PTCH2: variants seen among roughly 807,000 people sequenced by gnomAD.
PTCH2 encodes the protein protein patched homolog 2.
In PTCH2, 96 loss-of-function variants were observed where a neutral mutation model predicts 117.9. That is an observed-to-expected ratio of 0.81 (90% CI 0.69 to 0.96). PTCH2 has a LOEUF of 0.96. Ranked by LOEUF, PTCH2 falls within the 50% of genes least tolerant of loss-of-function variation. The pLI is 0.00. For missense variants in PTCH2, 1,379 were observed against 1,562.5 expected (o/e 0.88, Z 1.98); for synonymous variants, 615 against 660.9 (o/e 0.93, Z 1.06).
chr1:44,827,513 G>A lies in PTCH2; in HGVS notation c.2260C>T (p.Arg754Cys), dbSNP rs779024571. The A allele has an allele frequency of 1.2e-5, 20 of 1,614,048 alleles. No homozygotes were observed. The South Asian group carries it at 2.0e-4, about 16-fold the overall frequency. Residue 754 changes from arginine (R) to cysteine (C), a missense_variant, in exon 15 of 22, where the codon CGC (arginine) becomes TGC (cysteine). Arg to Cys is a radical substitution (Grantham distance 180). Transcript: ENST00000372192. ...CGCTGGTGCAGATCAAAGAGGGCGC[G>A]TTGGGAGTGGGCGTAGTCAAAGCCA... ...QGGFDYAHSQ[R>C]ALFDLHQRFS... is the part of the protein sequence containing the mutation.
intron 2 of PTCH2, among the ~76,000 whole-genome samples, chr1:44,834,176 A>G (rs7527787): frequency 0.18 from 26,446 of 148,602 alleles, 2,428 homozygotes; most frequent in East Asian, 0.28. Context: ...CTGGAGTGCA[A>G]TGGTGCAATC....
chr1:44,822,458 G>C lies in PTCH2; in HGVS notation c.3569C>G (p.Ser1190Cys). 6.2e-7 allele frequency: 1 copy of C among 1,613,994 alleles called. No individual in the cohort carries two copies. The change falls in exon 22 of 22, where the codon TCT becomes TGT. Residue 1190 changes from serine to cysteine, a missense_variant. Coordinates refer to ENST00000372192, the MANE Select transcript of PTCH2 (RefSeq NM_003738.5). ...EPPWSPAATS[S>C]GNLSSRGPGP... ...TGGTCCCCTGGAACTGAGGTTGCCA[G>C]AGCTAGTGGCAGCAGGGGACCAAGG... is the stretch of plus-strand genomic sequence containing the variant.
In PTCH2 at chr1:44,833,689, C is replaced by T. The variant is rs187159182; in HGVS notation, c.266-1348G>A. Among the ~76,000 whole-genome samples, 41 of 152,176 alleles carry T rather than the reference C, an allele frequency of 2.7e-4. No homozygotes were observed. In the East Asian group the frequency reaches 5.0e-3, roughly 19 times the overall value. On this transcript the variant is annotated intron_variant, in intron 2 of 21. Coordinates refer to ENST00000372192, the MANE Select transcript of PTCH2 (RefSeq NM_003738.5). ...GTGGCTCACTGCAACGTCTGTCTCC[C>T]AGGTTCAAGCGATTCTCGTGCCTCA...
chr1:44,826,980 C>T lies in PTCH2; in HGVS notation c.2617G>A (p.Ala873Thr). ...GGGGGGTAGAAGTTGGCCTGTGAGG[C>T]TGCCAGACCCAGGGGGTCACTGCTC... ...WVSSDPLGLA[A>T]SQANFYPPPP... Residue 873 changes from alanine (A) to threonine (T), a missense_variant, in exon 17 of 22, where the codon GCC (alanine) becomes ACC (threonine). Coordinates refer to ENST00000372192, the MANE Select transcript of PTCH2 (RefSeq NM_003738.5). This position sits in a 1 kb window ranked among gnomAD's most constrained non-coding sequence, Gnocchi z 5.1. 1.2e-6 allele frequency: 2 copies of T among 1,614,080 alleles called. No individual in the cohort carries two copies. Among genetic ancestry groups the T allele is most frequent in the Non-Finnish European group, 1.7e-6 (2 of 1,180,032 alleles).
In PTCH2 at chr1:44,827,498, G is replaced by A; in HGVS notation, c.2275C>T (p.Leu759=). Residue 759 remains leucine, a synonymous_variant, in exon 15 of 22, where the codon CTG becomes TTG. Transcript: ENST00000372192. ...YAHSQRALFD[L]HQRFSSLKAV... is the part of the protein sequence containing the mutation. ...TTGAGGGAACTGAAGCGCTGGTGCA[G>A]ATCAAAGAGGGCGCGTTGGGAGTGG... is the stretch of plus-strand genomic sequence containing the variant. The A allele has an allele frequency of 6.2e-7, 1 of 1,614,042 alleles. No homozygotes were observed. Among genetic ancestry groups the A allele is most frequent in the African/African-American group, 1.3e-5 (1 of 75,062 alleles).
chr1:44,839,558 AG>A (rs1653851116), intron 2 of PTCH2, among the ~76,000 whole-genome samples: 2 of 151,980 alleles, frequency 1.3e-5, no homozygotes, highest in South Asian at 4.1e-4. Context: ...AGTATAGGAG[AG>A]AGGATGAGGA....
rs559365014 is a variant in PTCH2 at position 44,831,248 on chromosome 1, G to C, written c.618-205C>G. ...ACAGTGAGCTGTAGAAGAGTACAAG[G>C]GGCTGAGACGAATATCAGGGCAGGG... On this transcript the variant is annotated intron_variant, in intron 5 of 21. Transcript: ENST00000372192. This position sits in a 1 kb window ranked among gnomAD's most constrained non-coding sequence, Gnocchi z 4.3. Among the ~76,000 whole-genome samples the C allele has an allele frequency of 1.3e-5, 2 of 152,186 alleles. No individual in the cohort carries two copies. Among genetic ancestry groups the C allele is most frequent in the Non-Finnish European group, 2.9e-5 (2 of 68,048 alleles).
In PTCH2 at chr1:44,822,320, C is replaced by T; in HGVS notation, c.*95G>A. On this transcript the variant is annotated 3_prime_UTR_variant, in exon 22 of 22. Coordinates refer to ENST00000372192, the MANE Select transcript of PTCH2 (RefSeq NM_003738.5). Reference sequence around the variant, plus strand: ...GAGAGGGGATGCAGCAGCAGCAGGGCCCTCCAGGGGTCCATCCTGCGTCTA... The same window carrying T: ...GAGAGGGGATGCAGCAGCAGCAGGGTCCTCCAGGGGTCCATCCTGCGTCTA... The T allele has an allele frequency of 6.2e-7, 1 of 1,600,788 alleles. No individual in the cohort carries two copies. Among genetic ancestry groups the T allele is most frequent in the East Asian group, 2.2e-5 (1 of 44,850 alleles).
intron 11 of PTCH2, 48 bp from the exon 12 acceptor site, chr1:44,828,679 C>T (rs11573580): frequency 2.3e-5 from 37 of 1,592,448 alleles, no homozygotes; most frequent in Non-Finnish European, 2.7e-5. Flanking sequence ...AGGGAGGGGC[C>T]GTGTCAAAGT....
At position 44,832,373 on chromosome 1, in the gene PTCH2, A is replaced by G. The variant is rs373738093; in HGVS notation, c.266-32T>C. On this transcript the variant is annotated intron_variant, in intron 2 of 21. Transcript: ENST00000372192. ...GAGCAAACAGAGAAAGCTGGGGGGG[A>G]AAGGGCCTAGGCGGGTCAGAACTTG... 485 of 1,612,088 alleles carry G rather than the reference A, an allele frequency of 3.0e-4. 1 individual carries two copies. In the African/African-American group the frequency reaches 5.5e-3, roughly 18 times the overall value.
intron 2 of PTCH2, among the ~76,000 whole-genome samples, chr1:44,835,883 CG>C (rs1478738620): frequency 6.6e-6 from 1 of 152,110 alleles, no homozygotes; most frequent in Non-Finnish European, 1.5e-5. Context: ...GAGGAGCCAG[CG>C]GCAATGCTGG....
Position 44,829,291 on chromosome 1 carries a change from T to C in PTCH2, c.1237A>G (p.Met413Val), listed in dbSNP as rs766591633. 6 of 1,613,510 alleles carry C rather than the reference T, an allele frequency of 3.7e-6. No individual in the cohort carries two copies. Among genetic ancestry groups the C allele is most frequent in the Non-Finnish European group, 5.1e-6 (6 of 1,179,926 alleles). ...LLMLAYACVT[M>V]LRWDCAQSQG... ...GACTGGGCGCAGTCCCACCGCAGCA[T>C]GGTCACACAGGCATAGGCCAGCTGT... The change falls in exon 10 of 22, where the codon ATG becomes GTG. Residue 413 changes from methionine to valine, a missense_variant. Met to Val is a conservative substitution (Grantham distance 21). Coordinates refer to ENST00000372192, the MANE Select transcript of PTCH2 (RefSeq NM_003738.5).
chr1:44,827,994 A>T lies in PTCH2; in HGVS notation c.1907T>A (p.Phe636Tyr). 1 of 1,614,194 alleles carries T rather than the reference A, an allele frequency of 6.2e-7. No homozygotes were observed. The change falls in exon 14 of 22, where the codon TTC becomes TAC. Residue 636 changes from phenylalanine to tyrosine, a missense_variant. Transcript: ENST00000372192. ...PPSDPLGSELFSPGGSTRDLL... is the reference protein window; with the variant it reads ...PPSDPLGSELYSPGGSTRDLL... ...GTCCCGTGTGGACCCTCCAGGGCTGAAGAGCTCAGAGCCCAGTGGGTCAGA... is the reference window on the plus strand; with the variant it reads ...GTCCCGTGTGGACCCTCCAGGGCTGTAGAGCTCAGAGCCCAGTGGGTCAGA...
At chr1:44,834,524 A>G (rs760843935) in intron 2 of PTCH2, among the ~76,000 whole-genome samples, 3 of 152,184 alleles carry the variant, frequency 2.0e-5, no homozygotes, top group Non-Finnish European at 2.9e-5. Flanking sequence ...ATGGAAGGGA[A>G]GAAGAGGACA....
rs757224543 is a variant in PTCH2, at chr1:44,828,426, A to G, written c.1591-12T>C. 31 of 1,613,988 alleles carry G rather than the reference A, an allele frequency of 1.9e-5. No individual in the cohort carries two copies. The highest frequency in any genetic ancestry group is 5.0e-5 in the Admixed American group (3 of 60,004). On this transcript the variant is annotated splice_polypyrimidine_tract_variant and intron_variant, in intron 12 of 21. Transcript: ENST00000372192. ...ACCACTATGGCCGCCTGGGGGACGG[A>G]CAGGAGGGGAATGAAGGCTGGATGA...
intron 2 of PTCH2, among the ~76,000 whole-genome samples, chr1:44,837,655 C>G (rs375870204): frequency 1.3e-5 from 2 of 152,270 alleles, no homozygotes; most frequent in South Asian, 2.1e-4. Flanking sequence ...CCACCTTGGC[C>G]TCCCAAAATG....
Position 44,828,505 on chromosome 1 carries a change from C to T in PTCH2, c.1590+1G>A. 6.2e-7 allele frequency: 1 copy of T among 1,614,138 alleles called. No homozygotes were observed. The highest frequency in any genetic ancestry group is 8.5e-7 in the Non-Finnish European group (1 of 1,180,042). On this transcript the variant is annotated splice_donor_variant, in intron 12 of 21. Transcript: ENST00000372192. LOFTEE classifies it high-confidence loss of function. Reference sequence around the variant, plus strand: ...GAGCTGCCCCGTGTGAGAGGCCTCACCTGTAGGGAGAAGGCTCGCAGCGCA... The same window carrying T: ...GAGCTGCCCCGTGTGAGAGGCCTCATCTGTAGGGAGAAGGCTCGCAGCGCA...
rs1246286476 is a variant in PTCH2, at chr1:44,827,228, G to A, written c.2453C>T (p.Ala818Val). Residue 818 changes from alanine to valine, a missense_variant, in exon 16 of 22, where the codon GCC (alanine) becomes GTC (valine). Coordinates refer to ENST00000372192, the MANE Select transcript of PTCH2 (RefSeq NM_003738.5). ...HSYRNGSEDG[A>V]LAYKLLIQTG... ...CTGGATGAGCAGCTTGTAGGCCAGG[G>A]CCCCATCCTCAGAGCCATTGCGGTA... 2.5e-6 allele frequency: 4 copies of A among 1,614,100 alleles called. No individual in the cohort carries two copies. Among genetic ancestry groups the A allele is most frequent in the Non-Finnish European group, 3.4e-6 (4 of 1,180,024 alleles).
chr1:44,827,744 C>T (rs1379995143), intron 14 of PTCH2, 30 bp from the exon 15 acceptor site: 1 of 1,610,944 alleles, frequency 6.2e-7, no homozygotes, highest in Admixed American at 1.7e-5. Context: ...AGCTGGAGAC[C>T]CCAGGGCTGC....
Sources: gnomAD v4.1 joint callset for allele counts (sites outside exome capture counted in the v4.1 genomes callset) on GRCh38, gnomAD v4.1.1 for gene constraint, Gnocchi (gnomAD v3.1) non-coding constraint, MANE v1.5 for transcripts, NCBI Gene and HGNC (gene_info 2026-07-23, HGNC 2026-07-21) for gene names.